The following REDIC1 variants were observed in gnomAD, a reference collection of about 807,000 sequenced individuals.
The protein encoded by REDIC1 is regulator of DNA class I crossover intermediates 1, also known as HEI10 Interacting Protein 1.
the REDIC1 span, chr12:39,646,793 A>AG: frequency 7.7e-7 from 1 of 1,305,940 alleles, no homozygotes; most frequent in Non-Finnish European, 1.1e-6. Context: ...AGGACAGTCG[A>AG]TTTTATTTCA....
At chr12:39,683,596 G>C in the REDIC1 span, 34 of 788,488 alleles carry the variant, frequency 4.3e-5, no homozygotes, top group Admixed American at 8.7e-4. Context: ...GGGTGGGCAG[G>C]CAACCTGGTC....
chr12:39,759,982 C>T, the REDIC1 span: 3 of 1,480,822 alleles, frequency 2.0e-6, no homozygotes, highest in African/African-American at 1.4e-5. Flanking sequence ...CTGTTCTTCT[C>T]CCCCCAGTTT....
the REDIC1 span, among the ~76,000 whole-genome samples, chr12:39,715,952 C>T: frequency 2.0e-5 from 3 of 151,882 alleles, no homozygotes; most frequent in Non-Finnish European, 4.4e-5. Context: ...TATAAATTTC[C>T]TTCTAGAATG....
the REDIC1 span, among the ~76,000 whole-genome samples, chr12:39,890,335 T>C: frequency 2.6e-5 from 4 of 152,164 alleles, no homozygotes; most frequent in African/African-American, 7.2e-5. Flanking sequence ...AAAAAATACA[T>C]TGTGGCAGCA....
the REDIC1 span, among the ~76,000 whole-genome samples, chr12:39,642,913 TAATGTG>T: frequency 6.6e-6 from 1 of 151,784 alleles, no homozygotes; most frequent in African/African-American, 2.4e-5. Context: ...TCTGAAATGT[TAATGTG>T]AAAGAGCCTC....
the REDIC1 span, among the ~76,000 whole-genome samples, chr12:39,825,336 G>C: frequency 6.6e-6 from 1 of 152,158 alleles, no homozygotes; most frequent in Non-Finnish European, 1.5e-5. Flanking sequence ...TCTAATGCCT[G>C]ATTTGTCAAT....
chr12:39,745,860 C>G, the REDIC1 span: 1 of 152,164 alleles, frequency 6.6e-6, no homozygotes, highest in Non-Finnish European at 1.5e-5. Context: ...TATTTTCCAG[C>G]CTGGGAAAAA....
the REDIC1 span, among the ~76,000 whole-genome samples, chr12:39,773,974 C>T: frequency 6.6e-6 from 1 of 152,164 alleles, no homozygotes. Flanking sequence ...GATTTTATTT[C>T]CAGTTCCTGA....
At chr12:39,628,215 A>G in the REDIC1 span, among the ~76,000 whole-genome samples, 3 of 152,188 alleles carry the variant, frequency 2.0e-5, no homozygotes, top group Admixed American at 2.0e-4. Flanking sequence ...ACTCTTGTGA[A>G]ATGTTCAGAT....
the REDIC1 span, among the ~76,000 whole-genome samples, chr12:39,877,395 A>AC: frequency 7.4e-3 from 1,123 of 151,860 alleles, 10 homozygotes; most frequent in African/African-American, 0.026. Context: ...CAGAATTGGA[A>AC]CCCCCCCTCC....
chr12:39,846,390 T>C, the REDIC1 span, among the ~76,000 whole-genome samples: 3 of 152,164 alleles, frequency 2.0e-5, no homozygotes, highest in East Asian at 5.8e-4. Flanking sequence ...GAGAAAGATC[T>C]TTCTCAGTTA....
the REDIC1 span, among the ~76,000 whole-genome samples, chr12:39,771,986 A>G: frequency 6.6e-6 from 1 of 152,120 alleles, no homozygotes; most frequent in Non-Finnish European, 1.5e-5. Flanking sequence ...AGTATCTACC[A>G]TCAATTCCTA....
chr12:39,898,655 A>T, the REDIC1 span, among the ~76,000 whole-genome samples: 1 of 152,156 alleles, frequency 6.6e-6, no homozygotes, highest in Non-Finnish European at 1.5e-5. Flanking sequence ...TATGAGAGAC[A>T]TACAAGGCAT....
chr12:39,628,506 A>T, the REDIC1 span, among the ~76,000 whole-genome samples: 1 of 152,170 alleles, frequency 6.6e-6, no homozygotes, highest in East Asian at 1.9e-4. Context: ...ATTGTTAGGG[A>T]TGTTTTTGGC....
the REDIC1 span, among the ~76,000 whole-genome samples, chr12:39,647,264 G>A: frequency 3.4e-4 from 52 of 152,090 alleles, no homozygotes; most frequent in African/African-American, 1.2e-3. Context: ...CAACCCTCAC[G>A]TGGATCCCAA....
At chr12:39,864,011 A>G in the REDIC1 span, among the ~76,000 whole-genome samples, 1 of 152,208 alleles carries the variant, frequency 6.6e-6, no homozygotes, top group African/African-American at 2.4e-5. Context: ...TTCTATCTAT[A>G]TGTTTTAAAG....
At chr12:39,765,211 A>G in the REDIC1 span, among the ~76,000 whole-genome samples, 2 of 152,080 alleles carry the variant, frequency 1.3e-5, no homozygotes, top group Admixed American at 6.6e-5. Context: ...GACAAGATTC[A>G]AATTTCAGAG....
the REDIC1 span, among the ~76,000 whole-genome samples, chr12:39,689,256 T>A: frequency 6.6e-6 from 1 of 152,202 alleles, no homozygotes; most frequent in African/African-American, 2.4e-5. Context: ...AATCACTACA[T>A]GGAGGAAAAT....
chr12:39,713,764 T>G, the REDIC1 span, among the ~76,000 whole-genome samples: 1 of 149,316 alleles, frequency 6.7e-6, no homozygotes, highest in Non-Finnish European at 1.5e-5. Context: ...TATACACGTA[T>G]ATATATATTT....
Sources: gnomAD v4.1 joint callset for allele counts (sites outside exome capture counted in the v4.1 genomes callset) on GRCh38, gnomAD v4.1.1 for gene constraint, MANE v1.5 for transcripts, NCBI Gene and HGNC (gene_info 2026-07-23, HGNC 2026-07-21) for gene names.